REXO1: variants seen among roughly 807,000 people sequenced by gnomAD.
The protein encoded by REXO1 is REX1, RNA exonuclease 1 homolog.
Under a neutral mutation model 102.6 loss-of-function variants are expected in REXO1, and 42 were observed. The ratio of observed to expected loss-of-function variants is 0.41; its 90% CI spans 0.32 to 0.53. REXO1 has a LOEUF of 0.53. Ranked by LOEUF, REXO1 falls within the 20% of genes least tolerant of loss-of-function variation. The pLI is 0.27. For synonymous variants in REXO1, 908 were observed against 779.1 expected (o/e 1.17, Z -2.76); for missense variants, 1,819 against 1,732.5 (o/e 1.05, Z -0.89).
chr19:1,839,591 G>A (rs976055838), intron 1 of REXO1, among the ~76,000 whole-genome samples: 8 of 152,244 alleles, frequency 5.3e-5, no homozygotes, highest in African/African-American at 1.7e-4. Context: ...CTGGGGGGAC[G>A]GGGTGCTGGC....
intron 12 of REXO1, 75 bp downstream of exon 12, chr19:1,817,144 G>A (rs575021554): frequency 6.4e-7 from 1 of 1,574,762 alleles, no homozygotes; most frequent in East Asian, 2.3e-5. Context: ...GCCCAGATGG[G>A]GCCAGATGGG....
chr19:1,836,195 G>A lies in REXO1; in HGVS notation c.158-7564C>T, dbSNP rs758980527. Among the ~76,000 whole-genome samples, 72 of 152,204 alleles carry A rather than the reference G, an allele frequency of 4.7e-4. 1 individual carries two copies. The highest frequency in any genetic ancestry group is 1.8e-4 in the Non-Finnish European group (12 of 68,026). ...ACACAGCTGTCCTGTCCCCAGCAATGGGGAGAACCTGGCATGAGCTCCAAC... is the reference window on the plus strand; with the variant it reads ...ACACAGCTGTCCTGTCCCCAGCAATAGGGAGAACCTGGCATGAGCTCCAAC... On this transcript the variant is annotated intron_variant, in intron 1 of 15. Coordinates refer to ENST00000170168, the MANE Select transcript of REXO1 (RefSeq NM_020695.4).
rs991508716 is a variant in REXO1 at position 1,826,211 on chromosome 19, G to A, written c.1912-268C>T. Among the ~76,000 whole-genome samples the A allele has an allele frequency of 1.6e-4, 25 of 152,166 alleles. No homozygotes were observed. Among genetic ancestry groups the A allele is most frequent in the Admixed American group, 7.2e-4 (11 of 15,282 alleles). ...GAGACCCCAGGGCTGCAGAATGAAA[G>A]CACACTGGGAAAGCGAGGCCACCTT... On this transcript the variant is annotated intron_variant, in intron 2 of 15. Transcript: ENST00000170168. The surrounding 1 kb of genome is among the most constrained non-coding windows in gnomAD (Gnocchi z 4.3).
intron 1 of REXO1, among the ~76,000 whole-genome samples, chr19:1,832,425 G>A (rs1033870222): frequency 8.5e-5 from 13 of 152,376 alleles, no homozygotes; most frequent in African/African-American, 2.2e-4. Flanking sequence ...CTGCGAAGGC[G>A]GAAGGCCCCT....
At position 1,828,444 on chromosome 19, in the gene REXO1, C is replaced by T. The variant is rs753195125; in HGVS notation, c.345G>A (p.Thr115=). The part of the protein sequence containing the change: ...EQRRYRELLE[T]TREHRSAEAP... The stretch of plus-strand genomic sequence containing the variant: ...CCTCGGCGGAGCGGTGCTCACGGGT[C>T]GTCTCCAGCAGCTCCCGGTAGCGCC... Residue 115 remains threonine, a synonymous_variant, in exon 2 of 16, where the codon ACG becomes ACA. Transcript: ENST00000170168. The T allele has an allele frequency of 1.4e-5, 23 of 1,608,786 alleles. No homozygotes were observed. Among genetic ancestry groups the T allele is most frequent in the East Asian group, 2.2e-5 (1 of 44,846 alleles).
At position 1,827,536 on chromosome 19, in the gene REXO1, G is replaced by A. The variant is rs558902840; in HGVS notation, c.1253C>T (p.Pro418Leu). Residue 418 changes from proline to leucine, a missense_variant, in exon 2 of 16, where the codon CCG (proline) becomes CTG (leucine). Physicochemically the swap from Pro to Leu is moderately conservative, Grantham distance 98. Transcript: ENST00000170168. ...CTTGCGCCGGGGGCTGCTGGCCTGC[G>A]GGCCCTTCTTGTCCGCACGGGGCTT... Reference protein sequence around the residue: ...VEKPRADKKGPQASSPRRKAE... With the variant: ...VEKPRADKKGLQASSPRRKAE... The A allele has an allele frequency of 2.2e-5, 35 of 1,586,048 alleles. No individual in the cohort carries two copies. The Middle Eastern group carries it at 5.1e-4, about 23-fold the overall frequency.
In REXO1 at chr19:1,819,114, C is replaced by T. The variant is rs765706104; in HGVS notation, c.2668G>A (p.Val890Ile). 32 of 1,578,822 alleles carry T rather than the reference C, an allele frequency of 2.0e-5. No individual in the cohort carries two copies. Among genetic ancestry groups the T allele is most frequent in the Non-Finnish European group, 2.8e-5 (32 of 1,159,784 alleles). The change falls in exon 8 of 16, where the codon GTT becomes ATT. Residue 890 changes from valine to isoleucine, a missense_variant. By Grantham distance (29) the Val-to-Ile change is conservative. Transcript: ENST00000170168. Reference protein sequence around the residue: ...PGLSKTSGRRVVSHEVVLGGR... With the variant: ...PGLSKTSGRRIVSHEVVLGGR... ...CCCAACACCACCTCGTGGGACACAA[C>T]CCTGCGGCCACTGGTTTCTGGAAGG...
chr19:1,843,545 C>T (rs1247874578), intron 1 of REXO1, among the ~76,000 whole-genome samples: 1 of 152,216 alleles, frequency 6.6e-6, no homozygotes, highest in East Asian at 1.9e-4. Context: ...CAGCAAGCTC[C>T]ATAGCTGCCA....
In REXO1 at chr19:1,819,018, C is replaced by A; in HGVS notation, c.2764G>T (p.Gly922Trp). Residue 922 changes from glycine to tryptophan, a missense_variant and splice_region_variant, in exon 8 of 16, where the codon GGG (glycine) becomes TGG (tryptophan). Physicochemically the swap from Gly to Trp is radical, Grantham distance 184. Transcript: ENST00000170168. ...PSSPRVEDLK[G>W]AALYSRLREY... ...TGGCAGAGCAGGGGCAGGGCCTTACCTTTCAGGTCCTCCACCCGGGGGCTG... is the reference window on the plus strand; with the variant it reads ...TGGCAGAGCAGGGGCAGGGCCTTACATTTCAGGTCCTCCACCCGGGGGCTG... 6.3e-7 allele frequency: 1 copy of A among 1,598,964 alleles called. No homozygotes were observed. The highest frequency in any genetic ancestry group is 8.5e-7 in the Non-Finnish European group (1 of 1,172,114).
intron 13 of REXO1, 57 bp downstream of exon 13, chr19:1,816,641 G>GGGGGGGGGGGGGGGGGGGC: frequency 9.8e-7 from 1 of 1,021,776 alleles, no homozygotes; most frequent in Non-Finnish European, 1.5e-6. Flanking sequence ...GGGAGGGTGG[G>GGGGGGGGGGGGGGGGGGGC]TCCCTGGGGA....
At chr19:1,828,959 C>T (rs1239753139) in intron 1 of REXO1, among the ~76,000 whole-genome samples, 1 of 151,794 alleles carries the variant, frequency 6.6e-6, no homozygotes, top group African/African-American at 2.4e-5. Context: ...ACTCGACAGG[C>T]TGGAACTCCC....
chr19:1,834,308 T>G (rs966175539), intron 1 of REXO1, among the ~76,000 whole-genome samples: 1 of 152,126 alleles, frequency 6.6e-6, no homozygotes, highest in East Asian at 1.9e-4. Context: ...TTGGAAGGAA[T>G]AGCACCTGCC....
intron 1 of REXO1, among the ~76,000 whole-genome samples, chr19:1,837,645 G>C (rs2070078276): frequency 6.6e-6 from 1 of 152,204 alleles, no homozygotes; most frequent in Admixed American, 6.5e-5. Flanking sequence ...AGGCTGGGCT[G>C]TGCCTGCAGC....
At chr19:1,847,859 C>A (rs976008758) in intron 1 of REXO1, among the ~76,000 whole-genome samples, 1 of 152,332 alleles carries the variant, frequency 6.6e-6, no homozygotes, top group Admixed American at 6.5e-5. Context: ...AGGAGGAGTC[C>A]AGGACCTGCC....
chr19:1,835,531 G>C (rs2070014765), intron 1 of REXO1, among the ~76,000 whole-genome samples: 1 of 152,172 alleles, frequency 6.6e-6, no homozygotes, highest in Non-Finnish European at 1.5e-5. Flanking sequence ...CTGGGCGACA[G>C]AGCTATACAT....
intron 1 of REXO1, among the ~76,000 whole-genome samples, chr19:1,842,885 G>A (rs12462721): frequency 0.29 from 43,952 of 152,200 alleles, 6,894 homozygotes; most frequent in East Asian, 0.42. Context: ...AGAGACCCGT[G>A]GCAACACGGA....
At position 1,828,557 on chromosome 19, in the gene REXO1, C is replaced by A. The variant is rs1365063095; in HGVS notation, c.232G>T (p.Gly78Trp). 1.2e-6 allele frequency: 2 copies of A among 1,604,092 alleles called. No individual in the cohort carries two copies. The highest frequency in any genetic ancestry group is 1.7e-6 in the Non-Finnish European group (2 of 1,179,852). Residue 78 changes from glycine (G) to tryptophan (W), a missense_variant, in exon 2 of 16, where the codon GGG becomes TGG. By Grantham distance (184) the Gly-to-Trp change is radical. Coordinates refer to ENST00000170168, the MANE Select transcript of REXO1 (RefSeq NM_020695.4). ...AQRENGTLGLGEEPRPDVLEL... is the reference protein window; with the variant it reads ...AQRENGTLGLWEEPRPDVLEL... ...AGCACATCCGGGCGCGGCTCCTCCC[C>A]CAGGCCCAGGGTGCCATTCTCCCTC...
chr19:1,817,158 G>GGGCGA, intron 12 of REXO1, 61 bp downstream of exon 12: 1 of 769,774 alleles, frequency 1.3e-6, no homozygotes, highest in Non-Finnish European at 1.8e-6. Flanking sequence ...AGATGGGGCG[G>GGGCGA]CCGCACCAGG....
Position 1,827,458 on chromosome 19 carries a change from G to A in REXO1, c.1331C>T (p.Ala444Val), listed in dbSNP as rs752219408. The A allele has an allele frequency of 3.2e-6, 5 of 1,565,628 alleles. No individual in the cohort carries two copies. Among genetic ancestry groups the A allele is most frequent in the Admixed American group, 2.0e-5 (1 of 48,854 alleles). The stretch of plus-strand genomic sequence containing the variant: ...GTCAGGCCTCCCTTTCCCTGAGGTG[G>A]CCACAGGAGTGGCCGAAGATGGCTT... ...KKKPSSATPV[A>V]TSGKGRPDRP... Residue 444 changes from alanine (A) to valine (V), a missense_variant, in exon 2 of 16, where the codon GCC becomes GTC. Ala to Val is a moderately conservative substitution (Grantham distance 64). Transcript: ENST00000170168.
Sources: gnomAD v4.1 joint callset for allele counts (sites outside exome capture counted in the v4.1 genomes callset) on GRCh38, gnomAD v4.1.1 for gene constraint, Gnocchi (gnomAD v3.1) non-coding constraint, MANE v1.5 for transcripts, NCBI Gene and HGNC (gene_info 2026-07-23, HGNC 2026-07-21) for gene names.